Variants in SAMD3 observed in about 807,000 individuals in gnomAD.
SAMD3 encodes the protein sterile alpha motif domain containing 3.
In SAMD3, 63 loss-of-function variants were observed where a neutral mutation model predicts 58.5. That is an observed-to-expected ratio of 1.08 (90% CI 0.88 to 1.33). The LOEUF (loss-of-function observed/expected upper bound fraction) is 1.33. SAMD3 is among the 40% of genes most tolerant of loss of function. The probability of loss-of-function intolerance (pLI) is 0.00; values close to 1 mark genes in which losing one functional copy is unlikely to be tolerated. For synonymous variants in SAMD3, 220 were observed against 210.3 expected (o/e 1.05, Z -0.40); for missense variants, 604 against 608.4 (o/e 0.99, Z 0.08).
chr6:130,276,619 G>A (rs1252263432), intron 2 of SAMD3, among the ~76,000 whole-genome samples: 1 of 152,114 alleles, frequency 6.6e-6, no homozygotes, highest in African/African-American at 2.4e-5. Flanking sequence ...ACCTATGTAT[G>A]TATATACACT....
chr6:130,304,292 C>T (rs1775842628), intron 2 of SAMD3, among the ~76,000 whole-genome samples: 2 of 152,152 alleles, frequency 1.3e-5, no homozygotes, highest in Non-Finnish European at 2.9e-5. Flanking sequence ...GCCTCAGCCT[C>T]CTGAGTAGCT....
chr6:130,353,954 A>T (rs978998795), intron 1 of SAMD3, among the ~76,000 whole-genome samples: 1 of 152,228 alleles, frequency 6.6e-6, no homozygotes, highest in Admixed American at 6.5e-5. Context: ...AGCATCTATA[A>T]GGAACGTAAA....
chr6:130,244,842 C>A (rs182254364), intron 2 of SAMD3, among the ~76,000 whole-genome samples: 1 of 152,252 alleles, frequency 6.6e-6, no homozygotes. Context: ...TGAGATGGTG[C>A]TGTAGAATCA....
intron 2 of SAMD3, among the ~76,000 whole-genome samples, chr6:130,248,558 T>C (rs1026481225): frequency 2.6e-5 from 4 of 152,210 alleles, no homozygotes; most frequent in Admixed American, 1.3e-4. Context: ...ACCCCAGGGA[T>C]GCCAGTCTAC....
At chr6:130,312,764 A>G (rs1776219833) in intron 2 of SAMD3, among the ~76,000 whole-genome samples, 1 of 151,696 alleles carries the variant, frequency 6.6e-6, no homozygotes, top group Non-Finnish European at 1.5e-5. Flanking sequence ...TGAAGACAGT[A>G]ATTATAGGCC....
chr6:130,198,228 G>A (rs1794321776), intron 5 of SAMD3, among the ~76,000 whole-genome samples: 1 of 152,104 alleles, frequency 6.6e-6, no homozygotes, highest in Non-Finnish European at 1.5e-5. Flanking sequence ...CATGAAAACA[G>A]GGTCTCTGTC....
intron 5 of SAMD3, among the ~76,000 whole-genome samples, chr6:130,206,930 A>C (rs1795134157): frequency 6.6e-6 from 1 of 152,168 alleles, no homozygotes; most frequent in African/African-American, 2.4e-5. Flanking sequence ...AAAATGTCAG[A>C]GGGCTTAGAA....
intron 1 of SAMD3, among the ~76,000 whole-genome samples, chr6:130,353,835 A>G (rs1777749497): frequency 6.6e-6 from 1 of 152,156 alleles, no homozygotes; most frequent in South Asian, 2.1e-4. Context: ...GTTCTCCTTA[A>G]AAGTATGGTA....
chr6:130,195,315 T>A (rs901694061), intron 5 of SAMD3, among the ~76,000 whole-genome samples: 1 of 152,158 alleles, frequency 6.6e-6, no homozygotes, highest in Non-Finnish European at 1.5e-5. Flanking sequence ...ACCTTTGCCC[T>A]GCTCAATGCC....
intron 1 of SAMD3, among the ~76,000 whole-genome samples, chr6:130,359,225 C>T (rs903589858): frequency 3.9e-5 from 6 of 152,160 alleles, no homozygotes; most frequent in African/African-American, 1.2e-4. Flanking sequence ...ATATACAATA[C>T]TAAAATCCAC....
At chr6:130,218,358 G>A (rs1222484221) in intron 1 of SAMD3, among the ~76,000 whole-genome samples, 2 of 152,206 alleles carry the variant, frequency 1.3e-5, no homozygotes, top group Non-Finnish European at 2.9e-5. Flanking sequence ...TGCGCAGGCT[G>A]TCGGAGGCTC....
chr6:130,346,078 T>C (rs773143146), intron 1 of SAMD3, among the ~76,000 whole-genome samples: 1 of 152,146 alleles, frequency 6.6e-6, no homozygotes, highest in African/African-American at 2.4e-5. Context: ...TAAAAATTAA[T>C]ATGGTTGGGA....
chr6:130,261,034 AT>A (rs1344188938), intron 2 of SAMD3, among the ~76,000 whole-genome samples: 1 of 152,016 alleles, frequency 6.6e-6, no homozygotes, highest in East Asian at 1.9e-4. Flanking sequence ...TGCCCACTCC[AT>A]TTGAGTGGAA....
Position 130,359,798 on chromosome 6 carries a change from G to A in SAMD3, c.-304+5322C>T, listed in dbSNP as rs147681523. 5.7e-3 allele frequency among the ~76,000 whole-genome samples: 861 copies of A among 152,300 alleles called. 4 individuals carry two copies. Among genetic ancestry groups the A allele is most frequent in the Non-Finnish European group, 9.5e-3 (644 of 68,016 alleles). Reference sequence around the variant, plus strand: ...AACTCTACTCACATTTTATCACAAGGCTGTTTCCTTAGGTGTGAAGGAGTG... The same window carrying A: ...AACTCTACTCACATTTTATCACAAGACTGTTTCCTTAGGTGTGAAGGAGTG... On this transcript the variant is annotated intron_variant, in intron 1 of 13. Coordinates refer to the SAMD3 transcript ENST00000368134.
At chr6:130,341,497 T>C (rs1015915666) in intron 1 of SAMD3, among the ~76,000 whole-genome samples, 1 of 152,240 alleles carries the variant, frequency 6.6e-6, no homozygotes, top group Admixed American at 6.5e-5. Flanking sequence ...TCTAGTTAGT[T>C]GAAGCCCACT....
At chr6:130,291,404 C>T (rs902209241) in intron 2 of SAMD3, among the ~76,000 whole-genome samples, 2 of 152,126 alleles carry the variant, frequency 1.3e-5, no homozygotes, top group Non-Finnish European at 1.5e-5. Flanking sequence ...CATGCCCAGC[C>T]GATAATTGAC....
intron 7 of SAMD3, among the ~76,000 whole-genome samples, chr6:130,176,920 G>A (rs1203049966): frequency 6.6e-6 from 1 of 152,122 alleles, no homozygotes; most frequent in African/African-American, 2.4e-5. Context: ...AATAAAGTGG[G>A]AGAGAGGAGC....
At chr6:130,192,461 G>T (rs1793638530) in intron 5 of SAMD3, among the ~76,000 whole-genome samples, 1 of 152,148 alleles carries the variant, frequency 6.6e-6, no homozygotes, top group Non-Finnish European at 1.5e-5. Context: ...ACATTGTCTT[G>T]TGAAATTCCT....
intron 2 of SAMD3, among the ~76,000 whole-genome samples, chr6:130,301,821 CA>C (rs1775758622): frequency 6.6e-6 from 1 of 152,012 alleles, no homozygotes; most frequent in Non-Finnish European, 1.5e-5. Flanking sequence ...TGGTCTTTGA[CA>C]AAGTTGACAA....
Sources: gnomAD v4.1 joint callset for allele counts (sites outside exome capture counted in the v4.1 genomes callset) on GRCh38, gnomAD v4.1.1 for gene constraint, MANE v1.5 for transcripts, NCBI Gene and HGNC (gene_info 2026-07-23, HGNC 2026-07-21) for gene names.